The following CUX2 variants were observed in gnomAD, a reference collection of about 807,000 sequenced individuals.
The protein encoded by CUX2 is homeobox protein cut-like 2.
In CUX2, 40 loss-of-function variants were observed where a neutral mutation model predicts 144.8. The ratio of observed to expected loss-of-function variants is 0.28; its 90% CI spans 0.21 to 0.36. The LOEUF (loss-of-function observed/expected upper bound fraction) is 0.36. CUX2 is among the 10% of genes least tolerant of loss of function. CUX2 has a pLI of 1.00. For missense variants in CUX2, 1,615 were observed against 1,994.0 expected (o/e 0.81, Z 3.62); for synonymous variants, 827 against 875.6 (o/e 0.94, Z 0.98).
intron 1 of CUX2, among the ~76,000 whole-genome samples, chr12:111,185,634 A>G (rs1013083148): frequency 1.3e-5 from 2 of 152,178 alleles, no homozygotes; most frequent in Non-Finnish European, 2.9e-5. Flanking sequence ...CTGAGGACAG[A>G]GGTCTGGCCC....
At chr12:111,170,545 CTTTTTTTTTTTTTT>C (rs34282526) in intron 1 of CUX2, among the ~76,000 whole-genome samples, 2 of 79,940 alleles carry the variant, frequency 2.5e-5, no homozygotes, top group Non-Finnish European at 4.6e-5. Flanking sequence ...CCCAGCTCTT[CTTTTTTTTTTTTTT>C]TTTTTTTTTT....
intron 1 of CUX2, among the ~76,000 whole-genome samples, chr12:111,203,526 C>T (rs1380726330): frequency 7.1e-6 from 1 of 141,618 alleles, no homozygotes; most frequent in Non-Finnish European, 1.5e-5. Context: ...GCCTGGGTGA[C>T]AGAGCAAGAC....
At position 111,034,770 on chromosome 12, in the gene CUX2, C is replaced by A. The variant is rs1004787465; in HGVS notation, c.63+530C>A. Among the ~76,000 whole-genome samples the A allele has an allele frequency of 2.0e-5, 3 of 149,670 alleles. No homozygotes were observed. The highest frequency in any genetic ancestry group is 7.3e-5 in the African/African-American group (3 of 41,156). On this transcript the variant is annotated intron_variant, in intron 1 of 21. Coordinates refer to ENST00000261726, the MANE Select transcript of CUX2 (RefSeq NM_015267.4). The surrounding 1 kb of genome is among the most constrained non-coding windows in gnomAD (Gnocchi z 4.2). Reference sequence around the variant, plus strand: ...GAGAGGAGGAGGGAGCCGGGGTTGGCGAGGAGGCGGCTCCGCGCCCCGCCG... The same window carrying A: ...GAGAGGAGGAGGGAGCCGGGGTTGGAGAGGAGGCGGCTCCGCGCCCCGCCG...
intron 21 of CUX2, among the ~76,000 whole-genome samples, chr12:111,347,018 AAG>A (rs1682172393): frequency 6.6e-6 from 1 of 152,214 alleles, no homozygotes; most frequent in African/African-American, 2.4e-5. Flanking sequence ...TCTCAAAAAA[AAG>A]AGATAAAATT....
At position 111,289,050 on chromosome 12, in the gene CUX2, G is replaced by A. The variant is rs1187423375; in HGVS notation, c.302-2368G>A. 6.6e-6 allele frequency among the ~76,000 whole-genome samples: 1 copy of A among 152,146 alleles called. No homozygotes were observed. Among genetic ancestry groups the A allele is most frequent in the South Asian group, 2.1e-4 (1 of 4,828 alleles). ...AGTCAGGAACATAGCTTGAACATGGGAGGCAGAGATTGCAATGAGCTGAGA... is the reference window on the plus strand; with the variant it reads ...AGTCAGGAACATAGCTTGAACATGGAAGGCAGAGATTGCAATGAGCTGAGA... On this transcript the variant is annotated intron_variant, in intron 4 of 21. Coordinates refer to ENST00000261726, the MANE Select transcript of CUX2 (RefSeq NM_015267.4). This position sits in a 1 kb window ranked among gnomAD's most constrained non-coding sequence, Gnocchi z 4.1.
chr12:111,187,465 C>T (rs575887534), intron 1 of CUX2, among the ~76,000 whole-genome samples: 1 of 152,228 alleles, frequency 6.6e-6, no homozygotes, highest in South Asian at 2.1e-4. Flanking sequence ...ACCACCACCT[C>T]CCCCTACTCC....
At chr12:111,238,787 G>C (rs1330848564) in intron 3 of CUX2, among the ~76,000 whole-genome samples, 2 of 152,214 alleles carry the variant, frequency 1.3e-5, no homozygotes, top group East Asian at 3.8e-4. Context: ...GCTCACACCT[G>C]TAATCCCAGC....
At chr12:111,070,247 G>A (rs1484829861) in intron 1 of CUX2, among the ~76,000 whole-genome samples, 3 of 152,030 alleles carry the variant, frequency 2.0e-5, no homozygotes, top group Non-Finnish European at 4.4e-5. Context: ...AGCAAGTGGG[G>A]GTCTCTGGAC....
At chr12:111,299,202 G>C (rs1886163337) in intron 9 of CUX2, among the ~76,000 whole-genome samples, 1 of 152,248 alleles carries the variant, frequency 6.6e-6, no homozygotes. Context: ...TCCTGCCTGT[G>C]GGGTGGGAGA....
At chr12:111,226,124 T>C (rs1009111170) in intron 3 of CUX2, among the ~76,000 whole-genome samples, 1 of 152,196 alleles carries the variant, frequency 6.6e-6, no homozygotes, top group Non-Finnish European at 1.5e-5. Context: ...TTGTATTTTT[T>C]GTAGAGACTT....
chr12:111,170,060 T>A (rs1171147793), intron 1 of CUX2, among the ~76,000 whole-genome samples: 1 of 152,166 alleles, frequency 6.6e-6, no homozygotes, highest in Non-Finnish European at 1.5e-5. Context: ...CTCCAAGAAT[T>A]GGGGTGCCAA....
rs552719233 is a variant in CUX2 at position 111,165,714 on chromosome 12, A to G, written c.64-48486A>G. Among the ~76,000 whole-genome samples the G allele has an allele frequency of 3.9e-5, 6 of 152,332 alleles. No individual in the cohort carries two copies. In the South Asian group the frequency reaches 1.2e-3, roughly 32 times the overall value. On this transcript the variant is annotated intron_variant, in intron 1 of 21. Transcript: ENST00000261726. ...CAGAGCTGGTGGGTGAGAACCAGCT[A>G]TAAGCATCGCCTCCCAGCTCCACGT...
At chr12:111,149,299 G>A (rs890617183) in intron 1 of CUX2, among the ~76,000 whole-genome samples, 5 of 152,300 alleles carry the variant, frequency 3.3e-5, no homozygotes, top group African/African-American at 1.2e-4. Flanking sequence ...TATTGTTGGT[G>A]TATTTTATGT....
intron 1 of CUX2, among the ~76,000 whole-genome samples, chr12:111,123,278 G>A (rs1198003874): frequency 3.9e-5 from 6 of 152,168 alleles, no homozygotes; most frequent in African/African-American, 1.2e-4. Context: ...CGCCTCCCAG[G>A]CTCAAGTGAT....
At chr12:111,235,845 G>A (rs1366115323) in intron 3 of CUX2, among the ~76,000 whole-genome samples, 5 of 152,178 alleles carry the variant, frequency 3.3e-5, no homozygotes, top group Non-Finnish European at 7.3e-5. Flanking sequence ...TGTGGCAGGT[G>A]GAGACAGAGG....
At chr12:111,149,063 G>A (rs1462123322) in intron 1 of CUX2, among the ~76,000 whole-genome samples, 1 of 152,106 alleles carries the variant, frequency 6.6e-6, no homozygotes, top group Non-Finnish European at 1.5e-5. Context: ...TAGTATTGCG[G>A]TTCAGAGAGG....
chr12:111,333,489 C>T (rs914338985), intron 18 of CUX2, among the ~76,000 whole-genome samples: 12 of 152,168 alleles, frequency 7.9e-5, no homozygotes, highest in African/African-American at 2.4e-4. Flanking sequence ...ACAGTTCTGC[C>T]TTTCTTTGTT....
chr12:111,206,269 C>A (rs552551836), intron 1 of CUX2, among the ~76,000 whole-genome samples: 1 of 152,298 alleles, frequency 6.6e-6, no homozygotes, highest in African/African-American at 2.4e-5. Flanking sequence ...GAGGTTGAAG[C>A]TGCAGTGAGC....
chr12:111,053,074 A>C (rs1024227607), intron 1 of CUX2, among the ~76,000 whole-genome samples: 1 of 152,056 alleles, frequency 6.6e-6, no homozygotes, highest in African/African-American at 2.4e-5. Context: ...TGCCAGATAC[A>C]TGAGGCCGCC....
Sources: allele counts gnomAD v4.1 joint callset (sites outside exome capture counted in the v4.1 genomes callset), GRCh38; gene constraint gnomAD v4.1.1; non-coding constraint Gnocchi (gnomAD v3.1); transcripts MANE v1.5; gene names NCBI Gene and HGNC (gene_info 2026-07-23, HGNC 2026-07-21).